VPS13B: variants seen among roughly 807,000 people sequenced by gnomAD.
VPS13B encodes intermembrane lipid transfer protein VPS13B.
In VPS13B, 285 loss-of-function variants were observed where a neutral mutation model predicts 426.4. The observed-to-expected ratio is 0.67, with a 90% CI of 0.61 to 0.74. The LOEUF (loss-of-function observed/expected upper bound fraction) is 0.74. Ranked by LOEUF, VPS13B falls within the 30% of genes least tolerant of loss-of-function variation. The pLI is 0.00. For synonymous variants in VPS13B, 1,676 were observed against 1,676.4 expected, an observed-to-expected ratio of 1.00 and a Z score of 0.01; for missense variants, 4,537 against 4,782.6, an observed-to-expected ratio of 0.95 and a Z score of 1.51.
chr8:99,374,657 A>C (rs1813381532), intron 19 of VPS13B, among the ~76,000 whole-genome samples: 1 of 152,234 alleles, frequency 6.6e-6, no homozygotes, highest in Admixed American at 6.5e-5. Flanking sequence ...GTCCAAAAAA[A>C]TACATGCCTC....
intron 17 of VPS13B, among the ~76,000 whole-genome samples, chr8:99,222,194 C>T (rs1346366359): frequency 1.3e-5 from 2 of 152,122 alleles, no homozygotes; most frequent in Non-Finnish European, 2.9e-5. Context: ...ATTTGCTTAG[C>T]TTATGAATAC....
chr8:99,204,678 T>G (rs1814576427), intron 17 of VPS13B, among the ~76,000 whole-genome samples: 1 of 151,862 alleles, frequency 6.6e-6, no homozygotes, highest in Admixed American at 6.6e-5. Context: ...AAAAACCCTA[T>G]GAAAAAGTGT....
At chr8:99,435,853 T>C (rs3105193) in intron 22 of VPS13B, among the ~76,000 whole-genome samples, 26,486 of 152,130 alleles carry the variant, frequency 0.17, 2,823 homozygotes, top group East Asian at 0.38. Flanking sequence ...TTTACACATG[T>C]ATTTGAAATG....
chr8:99,696,328 A>G, intron 35 of VPS13B: 1 of 253,916 alleles, frequency 3.9e-6, no homozygotes, highest in Non-Finnish European at 7.9e-6. Context: ...GCTCGGGCAG[A>G]GGGAGCTGGA....
intron 19 of VPS13B, among the ~76,000 whole-genome samples, chr8:99,296,536 C>CT (rs1820052647): frequency 6.6e-6 from 1 of 151,994 alleles, no homozygotes; most frequent in South Asian, 2.1e-4. Context: ...TTTCTTTACT[C>CT]TAAAAACAAG....
At position 99,331,298 on chromosome 8, in the gene VPS13B, G is replaced by A. The variant is rs529346913; in HGVS notation, c.2825-52910G>A. Among the ~76,000 whole-genome samples, 229 of 151,836 alleles carry A rather than the reference G, an allele frequency of 1.5e-3. 2 individuals carry two copies. The highest frequency in any genetic ancestry group is 4.8e-3 in the South Asian group (23 of 4,824). On this transcript the variant is annotated intron_variant, in intron 19 of 61. Coordinates refer to ENST00000357162, the MANE Select transcript of VPS13B (RefSeq NM_152564.5). The stretch of plus-strand genomic sequence containing the variant: ...CAACCTGTTCATTTTAAGTAGTGTT[G>A]CTTGTCATTGCGTTACTCACTAGTC...
intron 19 of VPS13B, among the ~76,000 whole-genome samples, chr8:99,325,151 A>C (rs1810174694): frequency 6.6e-6 from 1 of 152,146 alleles, no homozygotes; most frequent in South Asian, 2.1e-4. Flanking sequence ...AAGTTCCAAT[A>C]TGTTGAAGAG....
intron 33 of VPS13B, among the ~76,000 whole-genome samples, chr8:99,596,941 T>C (rs1827050216): frequency 6.6e-6 from 1 of 152,030 alleles, no homozygotes; most frequent in Non-Finnish European, 1.5e-5. Flanking sequence ...TAGGCAGTCA[T>C]GATATTCCTC....
chr8:99,125,715 A>G (rs1024190287), intron 8 of VPS13B, among the ~76,000 whole-genome samples: 112 of 152,342 alleles, frequency 7.4e-4, no homozygotes, highest in African/African-American at 2.6e-3. Context: ...GGGGATAATT[A>G]TGTAATATTT....
chr8:99,870,107 G>GTGTT (rs1817316072), intron 59 of VPS13B, among the ~76,000 whole-genome samples: 1 of 152,198 alleles, frequency 6.6e-6, no homozygotes, highest in Non-Finnish European at 1.5e-5. Context: ...ATATATCTGT[G>GTGTT]TGTTTTTTAT....
intron 17 of VPS13B, among the ~76,000 whole-genome samples, chr8:99,270,473 T>C (rs1818531558): frequency 6.6e-6 from 1 of 152,240 alleles, no homozygotes; most frequent in Admixed American, 6.5e-5. Context: ...AGATAACTTA[T>C]GATAAGAGTC....
intron 21 of VPS13B, among the ~76,000 whole-genome samples, chr8:99,426,827 G>A (rs201213841): frequency 0.18 from 13,943 of 76,366 alleles, 1,642 homozygotes; most frequent in East Asian, 0.39. Context: ...TTTGTCAGAT[G>A]AGTAGGTTGC....
chr8:99,367,433 C>T (rs537060219), intron 19 of VPS13B, among the ~76,000 whole-genome samples: 1 of 152,246 alleles, frequency 6.6e-6, no homozygotes, highest in Non-Finnish European at 1.5e-5. Context: ...CTTTCTTCAT[C>T]CTTGACTTTT....
At chr8:99,640,037 GAAGAAGAAGAAGAGAAAAGAA>G (rs1563838765) in intron 33 of VPS13B, among the ~76,000 whole-genome samples, 1 of 111,954 alleles carries the variant, frequency 8.9e-6, no homozygotes, top group African/African-American at 3.7e-5. Flanking sequence ...AGAAGAAGAA[GAAGAAGAAGAAGAGAAAAGAA>G]AAGAAAAGAA....
intron 21 of VPS13B, among the ~76,000 whole-genome samples, chr8:99,414,800 T>C (rs1815901293): frequency 6.6e-6 from 1 of 152,244 alleles, no homozygotes; most frequent in African/African-American, 2.4e-5. Context: ...GTTAGTCTGA[T>C]GGGTTTCCCT....
At chr8:99,199,455 G>A (rs1262892146) in intron 17 of VPS13B, among the ~76,000 whole-genome samples, 9 of 152,144 alleles carry the variant, frequency 5.9e-5, no homozygotes, top group Non-Finnish European at 1.3e-4. Context: ...ACAGGCATGA[G>A]CCACCACACC....
chr8:99,593,382 T>C (rs1012611577), intron 33 of VPS13B, among the ~76,000 whole-genome samples: 2 of 152,084 alleles, frequency 1.3e-5, no homozygotes, highest in African/African-American at 4.8e-5. Flanking sequence ...CCAGTCAGAA[T>C]GGCTATTCTT....
intron 43 of VPS13B, among the ~76,000 whole-genome samples, chr8:99,799,550 T>C (rs954794880): frequency 1.3e-5 from 2 of 152,234 alleles, no homozygotes; most frequent in African/African-American, 2.4e-5. Flanking sequence ...CAAGGCAGTT[T>C]AGTTAAATGA....
At chr8:99,837,896 C>A (rs1815477027) in intron 54 of VPS13B, among the ~76,000 whole-genome samples, 1 of 152,178 alleles carries the variant, frequency 6.6e-6, no homozygotes, top group Non-Finnish European at 1.5e-5. Flanking sequence ...CCTAAACAAG[C>A]AAAATCAAAA....
Sources: gnomAD v4.1 joint callset for allele counts (sites outside exome capture counted in the v4.1 genomes callset) on GRCh38, gnomAD v4.1.1 for gene constraint, MANE v1.5 for transcripts, NCBI Gene and HGNC (gene_info 2026-07-23, HGNC 2026-07-21) for gene names.